PCDHGA6: variants seen among roughly 807,000 people sequenced by gnomAD.
PCDHGA6 encodes the protein protocadherin gamma-A6.
Under a neutral mutation model 60.6 loss-of-function variants are expected in PCDHGA6, and 41 were observed. That is an observed-to-expected ratio of 0.68 (90% CI 0.53 to 0.88). The LOEUF is 0.88. Ranked by LOEUF, PCDHGA6 falls within the 40% of genes least tolerant of loss-of-function variation. The pLI, the probability that PCDHGA6 is intolerant of heterozygous loss-of-function variation, is 0.00. For missense variants in PCDHGA6, 1,312 were observed against 1,203.0 expected (o/e 1.09, Z -1.34); for synonymous variants, 594 against 524.4 (o/e 1.13, Z -1.81).
chr5:141,491,685 G>A lies in PCDHGA6; in HGVS notation c.2425-3122G>A. 1 of 1,613,164 alleles carries A rather than the reference G, an allele frequency of 6.2e-7. No individual in the cohort carries two copies. The highest frequency in any genetic ancestry group is 8.5e-7 in the Non-Finnish European group (1 of 1,179,646). On this transcript the variant is annotated intron_variant, in intron 1 of 3. Transcript: ENST00000517434. The surrounding 1 kb of genome is among the most constrained non-coding windows in gnomAD (Gnocchi z 6.9). ...CCATCCGGTCCCGCTCTAATACGCTGCGGGAGCGGAGCCAGGTGAGGGGCT... is the reference window on the plus strand; with the variant it reads ...CCATCCGGTCCCGCTCTAATACGCTACGGGAGCGGAGCCAGGTGAGGGGCT...
chr5:141,505,676 C>A (rs1308943385), intron 3 of PCDHGA6, among the ~76,000 whole-genome samples, 195 bp downstream of exon 3: 1 of 152,060 alleles, frequency 6.6e-6, no homozygotes, highest in South Asian at 2.1e-4. Context: ...GGTTGGGGGT[C>A]CTGGGATGCC....
At chr5:141,463,261 T>G (rs552225283) in intron 1 of PCDHGA6, among the ~76,000 whole-genome samples, 29 of 152,134 alleles carry the variant, frequency 1.9e-4, no homozygotes, top group African/African-American at 6.3e-4. Context: ...TAGTACTCTA[T>G]CCCATAAATT....
intron 1 of PCDHGA6, chr5:141,430,922 G>A: frequency 1.2e-6 from 2 of 1,607,168 alleles, no homozygotes; most frequent in South Asian, 2.2e-5. Context: ...CCTGGGGCTG[G>A]AGCCCCGGGA....
At chr5:141,377,577 CAGAATGAGACTTTT>C (rs1211676701) in intron 1 of PCDHGA6, 2 of 148,600 alleles carry the variant, frequency 1.3e-5, no homozygotes, top group African/African-American at 2.5e-5. Context: ...GCCTGGGAGA[CAGAATGAGACTTTT>C]TCTCTCTCTC....
intron 1 of PCDHGA6, among the ~76,000 whole-genome samples, chr5:141,381,589 C>G (rs1777301144): frequency 6.6e-6 from 1 of 152,152 alleles, no homozygotes; most frequent in Admixed American, 6.5e-5. Context: ...ATCCATTATC[C>G]AGTTTCTTAT....
chr5:141,403,547 G>T (rs940508173), intron 1 of PCDHGA6: 8 of 1,613,888 alleles, frequency 5.0e-6, no homozygotes, highest in African/African-American at 1.3e-5. Flanking sequence ...GCTGGAGCGC[G>T]CCCTGGACAG....
chr5:141,422,018 T>C, intron 1 of PCDHGA6: 1 of 1,610,840 alleles, frequency 6.2e-7, no homozygotes, highest in Non-Finnish European at 8.5e-7. Context: ...CGGGTGCTGA[T>C]GGTTAATGCA....
At chr5:141,394,667 G>T in intron 1 of PCDHGA6, 2 of 1,613,252 alleles carry the variant, frequency 1.2e-6, no homozygotes, top group East Asian at 2.2e-5. Flanking sequence ...GACTCTTCTC[G>T]GTGGGTCTGC....
At chr5:141,423,367 G>A (rs1478466218) in intron 1 of PCDHGA6, 2 of 1,614,068 alleles carry the variant, frequency 1.2e-6, no homozygotes, top group Admixed American at 1.7e-5. Context: ...CGTGCTGCTG[G>A]CACTCAGGCT....
intron 1 of PCDHGA6, among the ~76,000 whole-genome samples, chr5:141,483,832 G>A (rs994540286): frequency 2.0e-5 from 3 of 152,134 alleles, no homozygotes; most frequent in African/African-American, 7.2e-5. Context: ...ACCTAGGTAA[G>A]GACTTGGTTG....
At position 141,399,586 on chromosome 5, in the gene PCDHGA6, A is replaced by G. The variant is rs751097540; in HGVS notation, c.2424+23079A>G. The G allele has an allele frequency of 6.2e-6, 10 of 1,613,830 alleles. No individual in the cohort carries two copies. The East Asian group carries it at 1.3e-4, about 22-fold the overall frequency. Reference sequence around the variant, plus strand: ...GTTGAACGGCCAAGTCTCCTACTCTATCATGGCCAGCGACCTAGAGCCTCT... The same window carrying G: ...GTTGAACGGCCAAGTCTCCTACTCTGTCATGGCCAGCGACCTAGAGCCTCT... On this transcript the variant is annotated intron_variant, in intron 1 of 3. Coordinates refer to ENST00000517434, the MANE Select transcript of PCDHGA6 (RefSeq NM_018919.3).
chr5:141,407,989 T>G, intron 1 of PCDHGA6: 1 of 833,618 alleles, frequency 1.2e-6, no homozygotes, highest in Non-Finnish European at 1.8e-6. Flanking sequence ...TCCGTCAGCC[T>G]CTGGCCTGGG....
Position 141,431,051 on chromosome 5 carries a change from G to C in PCDHGA6, c.2424+54544G>C, listed in dbSNP as rs1280440001. On this transcript the variant is annotated intron_variant, in intron 1 of 3. Coordinates refer to ENST00000517434, the MANE Select transcript of PCDHGA6 (RefSeq NM_018919.3). This position sits in a 1 kb window ranked among gnomAD's most constrained non-coding sequence, Gnocchi z 4.8. ...GATAGACCGGGAGGAGCTCTGTATGGGGGCCATCAAGTGTCAATTAAATCT... is the reference window on the plus strand; with the variant it reads ...GATAGACCGGGAGGAGCTCTGTATGCGGGCCATCAAGTGTCAATTAAATCT... 3 of 1,614,218 alleles carry C rather than the reference G, an allele frequency of 1.9e-6. No homozygotes were observed. Among genetic ancestry groups the C allele is most frequent in the East Asian group, 2.2e-5 (1 of 44,886 alleles).
chr5:141,488,681 C>G, intron 1 of PCDHGA6, among the ~76,000 whole-genome samples: 1 of 152,204 alleles, frequency 6.6e-6, no homozygotes, highest in East Asian at 1.9e-4. Flanking sequence ...GGCTTTGCCT[C>G]TCCCAGAAGG....
At chr5:141,510,169 A>G (rs927072830) in intron 3 of PCDHGA6, among the ~76,000 whole-genome samples, 7 of 151,230 alleles carry the variant, frequency 4.6e-5, no homozygotes, top group Non-Finnish European at 1.0e-4. Context: ...GCTACTCAGG[A>G]GGTTGAGGCA....
chr5:141,419,117 G>T (rs1362880648), intron 1 of PCDHGA6: 1 of 1,613,718 alleles, frequency 6.2e-7, no homozygotes, highest in African/African-American at 1.3e-5. Context: ...AGAGTACAAC[G>T]TCACCATCGC....
Position 141,376,230 on chromosome 5 carries a change from T to C in PCDHGA6, c.2147T>C (p.Leu716Pro), listed in dbSNP as rs567339650. The C allele has an allele frequency of 4.3e-6, 7 of 1,614,210 alleles. No homozygotes were observed. The East Asian group carries it at 6.7e-5, about 15-fold the overall frequency. ...AFVIVLLALR[L>P]QRWHKSRLLQ... ...GTCATCGTGCTGCTGGCGCTCAGACTGCAGCGCTGGCACAAGTCACGCCTG... is the reference window on the plus strand; with the variant it reads ...GTCATCGTGCTGCTGGCGCTCAGACCGCAGCGCTGGCACAAGTCACGCCTG... The change falls in exon 1 of 4, where the codon CTG becomes CCG. Residue 716 changes from leucine (L) to proline (P), a missense_variant. Leu to Pro is a moderately conservative substitution (Grantham distance 98). Coordinates refer to ENST00000517434, the MANE Select transcript of PCDHGA6 (RefSeq NM_018919.3).
chr5:141,494,845 C>G lies in PCDHGA6; in HGVS notation c.2463C>G (p.Ala821=), dbSNP rs747484430. The part of the protein sequence containing the change: ...PPNTDWRFSQ[A]QRPGTSGSQN... Reference sequence around the variant, plus strand: ...ACACGGACTGGCGTTTCTCTCAGGCCCAGAGACCCGGCACCAGCGGGTAGG... The same window carrying G: ...ACACGGACTGGCGTTTCTCTCAGGCGCAGAGACCCGGCACCAGCGGGTAGG... The change falls in exon 2 of 4, where the codon GCC becomes GCG. Residue 821 remains alanine, a synonymous_variant. Transcript: ENST00000517434. 1.2e-6 allele frequency: 2 copies of G among 1,614,144 alleles called. No individual in the cohort carries two copies. The highest frequency in any genetic ancestry group is 1.7e-6 in the Non-Finnish European group (2 of 1,180,028).
At chr5:141,465,730 T>G (rs1373873081) in intron 1 of PCDHGA6, among the ~76,000 whole-genome samples, 2 of 152,186 alleles carry the variant, frequency 1.3e-5, no homozygotes, top group Non-Finnish European at 2.9e-5. Context: ...CCTCTTGTGC[T>G]TTGTTTTCAG....
Sources: gnomAD v4.1 joint callset for allele counts (sites outside exome capture counted in the v4.1 genomes callset) on GRCh38, gnomAD v4.1.1 for gene constraint, Gnocchi (gnomAD v3.1) non-coding constraint, MANE v1.5 for transcripts, NCBI Gene and HGNC (gene_info 2026-07-23, HGNC 2026-07-21) for gene names.